The following TRIP12 variants were observed in gnomAD, a reference collection of about 807,000 sequenced individuals.
The protein encoded by TRIP12 is E3 ubiquitin-protein ligase TRIP12.
A neutral mutation model predicts 244.2 loss-of-function variants in TRIP12; 25 were observed. That is an observed-to-expected ratio of 0.10 (90% CI 0.07 to 0.14). The LOEUF (loss-of-function observed/expected upper bound fraction) is 0.14. Ranked by LOEUF, TRIP12 falls within the 10% of genes least tolerant of loss-of-function variation. The pLI, the probability that TRIP12 is intolerant of heterozygous loss-of-function variation, is 1.00. For missense variants in TRIP12, 1,677 were observed against 2,486.4 expected, an observed-to-expected ratio of 0.67 and a Z score of 6.92; for synonymous variants, 905 against 873.1, an observed-to-expected ratio of 1.04 and a Z score of -0.64.
At chr2:229,781,580 G>C (rs2038183915) in intron 34 of TRIP12, among the ~76,000 whole-genome samples, 1 of 152,160 alleles carries the variant, frequency 6.6e-6, no homozygotes. Flanking sequence ...AAAGGATACT[G>C]GGTCACTGGG....
At chr2:229,795,073 GT>G (rs1360078497) in intron 26 of TRIP12, 105 bp downstream of exon 26, 1 of 1,329,596 alleles carries the variant, frequency 7.5e-7, no homozygotes, top group Non-Finnish European at 1.0e-6. Flanking sequence ...ACAGCTGAAT[GT>G]TTTCTGGGCC....
chr2:229,804,483 C>T (rs1422782464), intron 18 of TRIP12, among the ~76,000 whole-genome samples: 2 of 152,158 alleles, frequency 1.3e-5, no homozygotes, highest in African/African-American at 4.8e-5. Context: ...CAATTCATCA[C>T]CGCACTGTAC....
intron 8 of TRIP12, among the ~76,000 whole-genome samples, chr2:229,821,257 C>G (rs970780746): frequency 6.6e-6 from 1 of 152,172 alleles, no homozygotes; most frequent in Non-Finnish European, 1.5e-5. Flanking sequence ...ACAGCTTTTG[C>G]ACCATCAGTT....
chr2:229,862,180 A>C (rs566256660), intron 2 of TRIP12, among the ~76,000 whole-genome samples: 3 of 151,966 alleles, frequency 2.0e-5, no homozygotes, highest in Non-Finnish European at 4.4e-5. Flanking sequence ...CCTTGTATAT[A>C]TTGTGATTTA....
chr2:229,789,533 C>A, intron 31 of TRIP12, 78 bp downstream of exon 31: 1 of 1,527,756 alleles, frequency 6.5e-7, no homozygotes, highest in Non-Finnish European at 8.9e-7. Context: ...AGCTGAATCA[C>A]TGTTTCCATT....
At chr2:229,774,884 T>G (rs1374223676) in intron 37 of TRIP12, among the ~76,000 whole-genome samples, 1 of 151,980 alleles carries the variant, frequency 6.6e-6, no homozygotes, top group East Asian at 1.9e-4. Context: ...CAATACTTTA[T>G]AAGACAAACG....
intron 1 of TRIP12, among the ~76,000 whole-genome samples, chr2:229,895,658 T>A (rs2068606244): frequency 6.7e-6 from 1 of 149,502 alleles, no homozygotes; most frequent in Admixed American, 6.7e-5. Context: ...ATGCAGAGAA[T>A]AAAGTGAGAA....
At chr2:229,814,581 CTTCAGATTTAAAATAGATGAGTTGTT>C (rs2048044037) in intron 11 of TRIP12, 1 of 331,666 alleles carries the variant, frequency 3.0e-6, no homozygotes, top group Admixed American at 4.4e-5. Flanking sequence ...ACTTTTAAAT[CTTCAGATTTAAAATAGATGAGTTGTT>C]TTACACAACA....
chr2:229,855,246 A>C (rs1259007255), intron 4 of TRIP12, among the ~76,000 whole-genome samples: 3 of 152,210 alleles, frequency 2.0e-5, no homozygotes, highest in Non-Finnish European at 1.5e-5. Context: ...CAGCCTGCGC[A>C]ACACAGGAAG....
upstream of TRIP12, chr2:229,922,747 T>G (rs1185550087): frequency 9.6e-6 from 8 of 832,572 alleles, no homozygotes; most frequent in African/African-American, 1.7e-5. Flanking sequence ...CCGGGAGATT[T>G]TCCTCGTCAC....
At chr2:229,779,377 T>TCC (rs928252649) in intron 34 of TRIP12, among the ~76,000 whole-genome samples, 1 of 152,020 alleles carries the variant, frequency 6.6e-6, no homozygotes, top group African/African-American at 2.4e-5. Flanking sequence ...AGGGGAAGGC[T>TCC]CCCCCCAGCA....
intron 15 of TRIP12, among the ~76,000 whole-genome samples, 188 bp from the exon 16 acceptor site, chr2:229,808,557 T>C (rs2046450365): frequency 6.6e-6 from 1 of 151,784 alleles, no homozygotes; most frequent in African/African-American, 2.4e-5. Flanking sequence ...GTGTAGATTT[T>C]AACAATCTCT....
In TRIP12 at chr2:229,859,269, G is replaced by A. The variant is rs1166947440; in HGVS notation, c.530C>T (p.Thr177Ile). Reference sequence around the variant, plus strand: ...ACCGCCAGTGGCCCCACTCTTCCTGGTATGAGCCTTGCTTGTTGATGGTGA... The same window carrying A: ...ACCGCCAGTGGCCCCACTCTTCCTGATATGAGCCTTGCTTGTTGATGGTGA... ...AQSPSTSKAH[T>I]RKSGATGGSR... Residue 177 changes from threonine to isoleucine, a missense_variant, in exon 4 of 42, where the codon ACC becomes ATC. Coordinates refer to ENST00000675903, the MANE Select transcript of TRIP12 (RefSeq NM_001348323.3). 1.2e-6 allele frequency: 2 copies of A among 1,614,164 alleles called. No homozygotes were observed. The highest frequency in any genetic ancestry group is 4.5e-5 in the East Asian group (2 of 44,886).
chr2:229,868,377 A>G (rs932159938), intron 2 of TRIP12, among the ~76,000 whole-genome samples: 1 of 152,012 alleles, frequency 6.6e-6, no homozygotes, highest in African/African-American at 2.4e-5. Flanking sequence ...AATTTACTGT[A>G]TTTTTAGTAG....
intron 4 of TRIP12, among the ~76,000 whole-genome samples, chr2:229,846,772 A>G (rs2057663137): frequency 6.6e-6 from 1 of 152,236 alleles, no homozygotes; most frequent in Non-Finnish European, 1.5e-5. Flanking sequence ...GCAGATAATG[A>G]GCTAAATCCC....
At chr2:229,777,276 TAAA>T (rs775551752) in intron 37 of TRIP12, 36 bp downstream of exon 37, 7 of 1,580,756 alleles carry the variant, frequency 4.4e-6, no homozygotes, top group Non-Finnish European at 8.6e-7. Context: ...TTTTCTAAAA[TAAA>T]GACTTGATCT....
intron 20 of TRIP12, among the ~76,000 whole-genome samples, chr2:229,803,185 T>G (rs73099267): frequency 0.026 from 3,890 of 152,342 alleles, 156 homozygotes; most frequent in African/African-American, 0.089. Context: ...CAGACTCTTA[T>G]TAAAAGACAA....
At chr2:229,783,948 T>C (rs567315099) in intron 34 of TRIP12, among the ~76,000 whole-genome samples, 1 of 151,276 alleles carries the variant, frequency 6.6e-6, no homozygotes, top group African/African-American at 2.4e-5. Flanking sequence ...CTGTCTCTAC[T>C]AAAAATACAA....
intron 2 of TRIP12, among the ~76,000 whole-genome samples, chr2:229,864,841 G>A (rs541428334): frequency 6.6e-6 from 1 of 152,232 alleles, no homozygotes; most frequent in South Asian, 2.1e-4. Flanking sequence ...GATCATTTGG[G>A]TTATGAAGCC....
Sources: gnomAD v4.1 joint callset for allele counts (sites outside exome capture counted in the v4.1 genomes callset) on GRCh38, gnomAD v4.1.1 for gene constraint, MANE v1.5 for transcripts, NCBI Gene and HGNC (gene_info 2026-07-23, HGNC 2026-07-21) for gene names.